The following TSPAN9 variants were observed in gnomAD, a reference collection of about 807,000 sequenced individuals.
TSPAN9 encodes the protein tetraspanin 9.
TSPAN9 carries 16 observed loss-of-function variants against 31.0 expected under a neutral mutation model. That is an observed-to-expected ratio of 0.52 (90% CI 0.35 to 0.78). TSPAN9 has a LOEUF of 0.78. Ranked by LOEUF, TSPAN9 falls within the 30% of genes least tolerant of loss-of-function variation. The pLI, the probability that TSPAN9 is intolerant of heterozygous loss-of-function variation, is 0.01. For synonymous variants in TSPAN9, 145 were observed against 121.6 expected (o/e 1.19, Z -1.27); for missense variants, 272 against 312.5 (o/e 0.87, Z 0.98).
At chr12:3,167,623 G>A (rs7963153) in intron 2 of TSPAN9, among the ~76,000 whole-genome samples, 151,370 of 152,336 alleles carry the variant, frequency 0.99, 75,215 homozygotes, top group Middle Eastern at 1. Context: ...TCATTAGCTC[G>A]TGATGAGCTG....
At chr12:3,105,585 C>T (rs980122070) in intron 2 of TSPAN9, among the ~76,000 whole-genome samples, 4 of 151,914 alleles carry the variant, frequency 2.6e-5, no homozygotes, top group African/African-American at 7.2e-5. Context: ...GAAACAGGGG[C>T]TTCTGGATTT....
chr12:3,097,335 A>G (rs1343526087), intron 2 of TSPAN9, among the ~76,000 whole-genome samples: 2 of 152,190 alleles, frequency 1.3e-5, no homozygotes, highest in East Asian at 3.9e-4. Context: ...AGGACTTGAG[A>G]GAGGCACGTG....
intron 3 of TSPAN9, among the ~76,000 whole-genome samples, chr12:3,241,906 G>A (rs1364431944): frequency 2.6e-5 from 4 of 152,236 alleles, no homozygotes; most frequent in South Asian, 4.1e-4. Context: ...CACCGTCTCT[G>A]CCATGCAGCT....
At chr12:3,097,238 G>T (rs1275232507) in intron 2 of TSPAN9, among the ~76,000 whole-genome samples, 4 of 152,172 alleles carry the variant, frequency 2.6e-5, no homozygotes, top group Non-Finnish European at 5.9e-5. Flanking sequence ...GTCTTCGTCA[G>T]CTCGACCCAG....
At chr12:3,109,139 T>G (rs916314717) in intron 2 of TSPAN9, among the ~76,000 whole-genome samples, 3 of 151,952 alleles carry the variant, frequency 2.0e-5, no homozygotes, top group African/African-American at 7.2e-5. Context: ...GGTTTCACCG[T>G]GTTAGCCAGG....
intron 3 of TSPAN9, among the ~76,000 whole-genome samples, chr12:3,262,258 G>A (rs368755111): frequency 6.6e-6 from 1 of 152,126 alleles, no homozygotes; most frequent in African/African-American, 2.4e-5. Context: ...TTTGGCTCCC[G>A]TGCCAGCCTG....
chr12:3,278,645 C>A, intron 4 of TSPAN9, 33 bp downstream of exon 4: 1 of 1,596,746 alleles, frequency 6.3e-7, no homozygotes, highest in Non-Finnish European at 8.5e-7. Flanking sequence ...GCCCCTCCAA[C>A]TCCTGATCTC....
rs138303655 is a variant in TSPAN9, at chr12:3,207,899, T to A, written c.63+6643T>A. Among the ~76,000 whole-genome samples, 194 of 152,316 alleles carry A rather than the reference T, an allele frequency of 1.3e-3. 1 individual carries two copies. Among genetic ancestry groups the A allele is most frequent in the African/African-American group, 4.5e-3 (187 of 41,566 alleles). On this transcript the variant is annotated intron_variant, in intron 3 of 8. Coordinates refer to ENST00000011898, the MANE Select transcript of TSPAN9 (RefSeq NM_006675.5). ...TCGCATCAGCCAGGCAGCTTTTACA[T>A]GAACAAAGCCCCTCCTGAGTGGGCG...
At chr12:3,117,114 A>C (rs2098322785) in intron 2 of TSPAN9, among the ~76,000 whole-genome samples, 1 of 152,240 alleles carries the variant, frequency 6.6e-6, no homozygotes, top group African/African-American at 2.4e-5. Flanking sequence ...TATGGAAAAC[A>C]TAAAATTCCA....
chr12:3,128,256 T>G (rs751965151), intron 2 of TSPAN9, among the ~76,000 whole-genome samples: 15 of 152,214 alleles, frequency 9.9e-5, no homozygotes, highest in Non-Finnish European at 1.9e-4. Flanking sequence ...CATTATCTCA[T>G]AGATCCAGGG....
intron 2 of TSPAN9, among the ~76,000 whole-genome samples, chr12:3,084,999 C>T (rs1024148620): frequency 6.6e-6 from 1 of 152,196 alleles, no homozygotes; most frequent in Non-Finnish European, 1.5e-5. Context: ...ATTCTTGCAG[C>T]TCTGGGATTT....
At chr12:3,142,896 C>T (rs936612901) in intron 2 of TSPAN9, among the ~76,000 whole-genome samples, 1 of 152,228 alleles carries the variant, frequency 6.6e-6, no homozygotes, top group African/African-American at 2.4e-5. Flanking sequence ...CCAGGAGCCT[C>T]CATTGCGTTG....
chr12:3,253,233 C>A (rs2153978323), intron 3 of TSPAN9, among the ~76,000 whole-genome samples: 1 of 152,318 alleles, frequency 6.6e-6, no homozygotes, highest in Non-Finnish European at 1.5e-5. Context: ...CTAAGAAAAC[C>A]AAATAAAAAG....
chr12:3,163,850 C>T (rs1329247075), intron 2 of TSPAN9, among the ~76,000 whole-genome samples: 1 of 152,200 alleles, frequency 6.6e-6, no homozygotes, highest in Non-Finnish European at 1.5e-5. Flanking sequence ...CAGAAAACCT[C>T]TGGTGTGAGT....
intron 3 of TSPAN9, among the ~76,000 whole-genome samples, chr12:3,269,712 T>C (rs1343833190): frequency 6.6e-6 from 1 of 152,246 alleles, no homozygotes; most frequent in African/African-American, 2.4e-5. Context: ...ATGCCCAAAG[T>C]GAGCAGGAGC....
intron 3 of TSPAN9, among the ~76,000 whole-genome samples, chr12:3,209,999 G>A (rs2098377666): frequency 6.7e-6 from 1 of 148,838 alleles, no homozygotes; most frequent in African/African-American, 2.5e-5. Context: ...AGCCGGGTGT[G>A]GTGGCGGGTG....
At chr12:3,111,281 C>T (rs1430404071) in intron 2 of TSPAN9, among the ~76,000 whole-genome samples, 3 of 152,252 alleles carry the variant, frequency 2.0e-5, no homozygotes, top group Middle Eastern at 3.4e-3. Flanking sequence ...AGGAGATGCC[C>T]GTCCCCTTTC....
chr12:3,219,100 G>A (rs1002785617), intron 3 of TSPAN9, among the ~76,000 whole-genome samples: 23 of 152,240 alleles, frequency 1.5e-4, no homozygotes, highest in Admixed American at 5.9e-4. Flanking sequence ...CTTCCCACCC[G>A]TGGGCGGCCG....
intron 2 of TSPAN9, among the ~76,000 whole-genome samples, chr12:3,106,941 T>C (rs1406143316): frequency 6.6e-6 from 1 of 152,130 alleles, no homozygotes; most frequent in Non-Finnish European, 1.5e-5. Flanking sequence ...CTTGGGGCCC[T>C]GGGGATGGAG....
Sources: allele counts gnomAD v4.1 joint callset (sites outside exome capture counted in the v4.1 genomes callset), GRCh38; gene constraint gnomAD v4.1.1; transcripts MANE v1.5; gene names NCBI Gene and HGNC (gene_info 2026-07-23, HGNC 2026-07-21).